LIMA1: variants seen among roughly 807,000 people sequenced by gnomAD.
LIMA1 encodes LIM domain and actin-binding protein 1.
LIMA1 carries 52 observed loss-of-function variants against 62.6 expected under a neutral mutation model. The ratio of observed to expected loss-of-function variants is 0.83; its 90% confidence interval spans 0.67 to 1.05. The LOEUF (loss-of-function observed/expected upper bound fraction) is 1.05, where lower values mean the gene tolerates loss of function less well. Among genes scored for constraint, LIMA1 ranks in the 50% least tolerant of loss-of-function variants. The probability of loss-of-function intolerance (pLI) is 0.00; values close to 1 mark genes in which losing one functional copy is unlikely to be tolerated. For synonymous variants in LIMA1, 302 were observed against 317.8 expected (o/e 0.95, Z 0.53); for missense variants, 780 against 902.2 (o/e 0.86, Z 1.74).
At chr12:50,281,328 C>T (rs2138721875) in intron 1 of LIMA1, among the ~76,000 whole-genome samples, 1 of 152,142 alleles carries the variant, frequency 6.6e-6, no homozygotes, top group East Asian at 1.9e-4. Flanking sequence ...CCTGTCTTCC[C>T]CACCCAAGAA....
intron 3 of LIMA1, among the ~76,000 whole-genome samples, chr12:50,225,281 A>T (rs112093020): frequency 6.6e-6 from 1 of 152,076 alleles, no homozygotes; most frequent in Non-Finnish European, 1.5e-5. Flanking sequence ...GTAATAACTT[A>T]TTGGGGGAAA....
At chr12:50,208,036 A>G (rs1489354103) in intron 4 of LIMA1, among the ~76,000 whole-genome samples, 1 of 152,164 alleles carries the variant, frequency 6.6e-6, no homozygotes, top group Non-Finnish European at 1.5e-5. Flanking sequence ...GTTTCTTTCA[A>G]ATTCAATATA....
chr12:50,197,085 T>C (rs946625030), intron 7 of LIMA1, among the ~76,000 whole-genome samples: 7 of 151,560 alleles, frequency 4.6e-5, no homozygotes, highest in Non-Finnish European at 7.4e-5. Flanking sequence ...TTTTTTTTTT[T>C]TTTTTGAATG....
At chr12:50,278,084 T>G (rs2138714220) in intron 1 of LIMA1, among the ~76,000 whole-genome samples, 1 of 151,686 alleles carries the variant, frequency 6.6e-6, no homozygotes, top group African/African-American at 2.4e-5. Context: ...GAGGTCAGCC[T>G]GATCAACAGG....
At chr12:50,231,535 A>G in intron 3 of LIMA1, 130 bp downstream of exon 3, 2 of 829,310 alleles carry the variant, frequency 2.4e-6, no homozygotes, top group Non-Finnish European at 4.1e-6. Context: ...AATGGCTCAG[A>G]GATCACACCA....
intron 1 of LIMA1, among the ~76,000 whole-genome samples, chr12:50,259,026 C>T (rs776477662): frequency 2.6e-5 from 4 of 152,098 alleles, no homozygotes; most frequent in Admixed American, 6.6e-5. Flanking sequence ...TCTAGTATTC[C>T]CTCTTGGCTT....
chr12:50,198,856 C>T (rs1940985394), intron 7 of LIMA1, among the ~76,000 whole-genome samples: 2 of 152,198 alleles, frequency 1.3e-5, no homozygotes, highest in South Asian at 2.1e-4. Context: ...TTAAGCCATT[C>T]ATCTAATGAT....
chr12:50,218,402 G>A (rs1941385281), intron 4 of LIMA1: 1 of 152,158 alleles, frequency 6.6e-6, no homozygotes, highest in South Asian at 2.1e-4. Flanking sequence ...GTGACTAAAT[G>A]AGTGCTTCAA....
intron 1 of LIMA1, among the ~76,000 whole-genome samples, chr12:50,249,473 A>G (rs1036745334): frequency 6.6e-5 from 10 of 152,188 alleles, no homozygotes; most frequent in African/African-American, 2.4e-4. Flanking sequence ...AATTATTATC[A>G]TTGACTCTTG....
chr12:50,258,808 C>A (rs1216951153), intron 1 of LIMA1, among the ~76,000 whole-genome samples: 1 of 151,790 alleles, frequency 6.6e-6, no homozygotes, highest in East Asian at 1.9e-4. Flanking sequence ...CCACCACACC[C>A]GAGTAATTTT....
At chr12:50,198,329 T>A (rs1218622324) in intron 7 of LIMA1, among the ~76,000 whole-genome samples, 1 of 152,032 alleles carries the variant, frequency 6.6e-6, no homozygotes, top group Admixed American at 6.6e-5. Context: ...GGGGATTGCT[T>A]GAAGCCAGAA....
At chr12:50,268,368 A>G (rs184660117) in intron 1 of LIMA1, among the ~76,000 whole-genome samples, 30 of 152,268 alleles carry the variant, frequency 2.0e-4, no homozygotes, top group African/African-American at 6.0e-4. Context: ...AGGATCACCT[A>G]TGGAATCTGA....
rs1458226226 is a variant in LIMA1, at chr12:50,283,445, C to T, written c.-49G>A. On this transcript the variant is annotated 5_prime_UTR_variant, in exon 1 of 11. Coordinates refer to ENST00000341247, the MANE Select transcript of LIMA1 (RefSeq NM_016357.5). ...CTGGCTAAAAGCCGCCTTTCCTCTGCGCTGCTACCAGCCCTGTCACAGGTC... is the reference window on the plus strand; with the variant it reads ...CTGGCTAAAAGCCGCCTTTCCTCTGTGCTGCTACCAGCCCTGTCACAGGTC... The T allele has an allele frequency of 6.6e-6, 1 of 152,444 alleles. No homozygotes were observed. The highest frequency in any genetic ancestry group is 2.4e-5 in the African/African-American group (1 of 41,468). 9.4% of individuals were successfully genotyped at this position (152,444 alleles called of 1,614,324 possible).
At chr12:50,212,747 TAAG>T (rs1941279893) in intron 4 of LIMA1, among the ~76,000 whole-genome samples, 1 of 152,224 alleles carries the variant, frequency 6.6e-6, no homozygotes, top group African/African-American at 2.4e-5. Flanking sequence ...TGAAAATATA[TAAG>T]AATAAACAAT....
intron 4 of LIMA1, among the ~76,000 whole-genome samples, chr12:50,212,537 A>G (rs923220882): frequency 4.6e-5 from 7 of 152,136 alleles, no homozygotes; most frequent in Admixed American, 4.6e-4. Context: ...AGGTGGTAGG[A>G]TTTCTCTACA....
chr12:50,177,949 C>G lies in LIMA1; in HGVS notation c.1395G>C (p.Trp465Cys). ...TCTCTTCGTTTTCATTTTTGCTTGC[C>G]CATAGATCCTTGTGTGGTCTGTGCC... is the stretch of plus-strand genomic sequence containing the variant. ...GFGHRPHKDL[W>C]ASKNENEEIL... The change falls in exon 11 of 11, where the codon TGG becomes TGC. Residue 465 changes from tryptophan to cysteine, a missense_variant. Coordinates refer to ENST00000341247, the MANE Select transcript of LIMA1 (RefSeq NM_016357.5). 1.2e-6 allele frequency: 2 copies of G among 1,613,910 alleles called. No homozygotes were observed. The highest frequency in any genetic ancestry group is 1.7e-6 in the Non-Finnish European group (2 of 1,179,954).
intron 7 of LIMA1, 145 bp from the exon 8 acceptor site, chr12:50,196,032 A>G (rs1940923751): frequency 1.4e-6 from 1 of 737,602 alleles, no homozygotes; most frequent in African/African-American, 1.8e-5. Context: ...GCACCAGAAC[A>G]GCTGAGCATT....
At chr12:50,209,650 C>T (rs752678362) in intron 4 of LIMA1, among the ~76,000 whole-genome samples, 1 of 151,210 alleles carries the variant, frequency 6.6e-6, no homozygotes, top group South Asian at 2.1e-4. Context: ...TACCCTCAAT[C>T]CACATTTTTA....
chr12:50,243,489 G>A (rs549706512), intron 2 of LIMA1, among the ~76,000 whole-genome samples: 2 of 152,272 alleles, frequency 1.3e-5, no homozygotes, highest in East Asian at 1.9e-4. Flanking sequence ...AACTGATCTC[G>A]GAAAATAGTC....
Sources: allele counts gnomAD v4.1 joint callset (sites outside exome capture counted in the v4.1 genomes callset), GRCh38; gene constraint gnomAD v4.1.1; transcripts MANE v1.5; gene names NCBI Gene and HGNC (gene_info 2026-07-23, HGNC 2026-07-21).